The following SHISAL2B variants were observed in gnomAD, a reference collection of about 807,000 sequenced individuals.
SHISAL2B encodes the protein shisa like 2B.
SHISAL2B carries 12 observed loss-of-function variants against 16.5 expected under a neutral mutation model. The observed-to-expected ratio is 0.73, with a 90% CI of 0.47 to 1.18. The LOEUF (loss-of-function observed/expected upper bound fraction) is 1.18, where lower values mean the gene tolerates loss of function less well. Among genes scored for constraint, SHISAL2B ranks in the 50% most tolerant of loss-of-function variants. The pLI, the probability that SHISAL2B is intolerant of heterozygous loss-of-function variation, is 0.00. For synonymous variants in SHISAL2B, 72 were observed against 75.0 expected, an observed-to-expected ratio of 0.96 and a Z score of 0.21; for missense variants, 183 against 193.6, an observed-to-expected ratio of 0.95 and a Z score of 0.33.
At chr5:64,697,517 G>A (rs1423641358) in intron 2 of SHISAL2B, among the ~76,000 whole-genome samples, 1 of 152,058 alleles carries the variant, frequency 6.6e-6, no homozygotes, top group East Asian at 1.9e-4. Context: ...AAACTCAATT[G>A]CAAAGAATTG....
intron 2 of SHISAL2B, among the ~76,000 whole-genome samples, chr5:64,716,673 T>C (rs1742058531): frequency 6.6e-6 from 1 of 152,076 alleles, no homozygotes; most frequent in African/African-American, 2.4e-5. Context: ...AAGAAGAGCA[T>C]AGTAGACAGA....
rs546015968 is a variant in SHISAL2B, at chr5:64,716,718, A to T, written c.350-1171A>T. 1.3e-5 allele frequency among the ~76,000 whole-genome samples: 2 copies of T among 152,312 alleles called. 1 individual carries two copies. Among genetic ancestry groups the T allele is most frequent in the South Asian group, 4.1e-4 (2 of 4,832 alleles). ...CAGTGCAAAAGTCCTAAGGGCTGGA[A>T]CATGCCTGAAATGTTTAATCAAAGA... On this transcript the variant is annotated intron_variant, in intron 2 of 2. Transcript: ENST00000389074.
intron 2 of SHISAL2B, among the ~76,000 whole-genome samples, chr5:64,696,352 A>T (rs1741734572): frequency 6.6e-6 from 1 of 152,190 alleles, no homozygotes; most frequent in Non-Finnish European, 1.5e-5. Context: ...TGTGTGTTTG[A>T]ACAATATGAA....
chr5:64,712,342 A>G (rs1741971094), intron 2 of SHISAL2B, among the ~76,000 whole-genome samples: 1 of 152,114 alleles, frequency 6.6e-6, no homozygotes, highest in African/African-American at 2.4e-5. Flanking sequence ...CATGTAGTTG[A>G]GCGGCTTTGA....
At chr5:64,699,618 T>C (rs1741781553) in intron 2 of SHISAL2B, among the ~76,000 whole-genome samples, 1 of 152,212 alleles carries the variant, frequency 6.6e-6, no homozygotes, top group East Asian at 1.9e-4. Context: ...CAGTTAGCCA[T>C]TTCCTTTCTC....
intron 2 of SHISAL2B, among the ~76,000 whole-genome samples, chr5:64,710,899 C>A: frequency 8.7e-6 from 1 of 114,926 alleles, no homozygotes; most frequent in African/African-American, 4.2e-5. Flanking sequence ...TATCCTGAGA[C>A]TTTGCTGAAG....
At position 64,709,500 on chromosome 5, in the gene SHISAL2B, G is replaced by A. The variant is rs1244088808; in HGVS notation, c.350-8389G>A. On this transcript the variant is annotated intron_variant, in intron 2 of 2. Coordinates refer to ENST00000389074, the MANE Select transcript of SHISAL2B (RefSeq NM_001164442.2). ...GTGAATAATGCCGCAATAAACATACGTGTGCATGTGTCTTTATAGCAGCAT... is the reference window on the plus strand; with the variant it reads ...GTGAATAATGCCGCAATAAACATACATGTGCATGTGTCTTTATAGCAGCAT... Among the ~76,000 whole-genome samples the A allele has an allele frequency of 1.3e-4, 19 of 148,382 alleles. No homozygotes were observed. In the East Asian group the frequency reaches 3.6e-3, roughly 28 times the overall value.
At position 64,716,170 on chromosome 5, in the gene SHISAL2B, T is replaced by C. The variant is rs559484004; in HGVS notation, c.350-1719T>C. ...TTTCATGTTTATTAGCCATTTTATC[T>C]TTTCGGTCACTTTCTTCACTCACTA... On this transcript the variant is annotated intron_variant, in intron 2 of 2. Coordinates refer to ENST00000389074, the MANE Select transcript of SHISAL2B (RefSeq NM_001164442.2). Among the ~76,000 whole-genome samples, 11 of 152,336 alleles carry C rather than the reference T, an allele frequency of 7.2e-5. No homozygotes were observed. The South Asian group carries it at 1.9e-3, about 26-fold the overall frequency.
intron 2 of SHISAL2B, among the ~76,000 whole-genome samples, chr5:64,712,978 C>G (rs908825115): frequency 1.3e-5 from 2 of 152,076 alleles, no homozygotes; most frequent in Non-Finnish European, 1.5e-5. Flanking sequence ...ACTGATGGGT[C>G]TTGACTCTTT....
At chr5:64,693,483 G>A (rs1279406581) in intron 1 of SHISAL2B, among the ~76,000 whole-genome samples, 1 of 152,190 alleles carries the variant, frequency 6.6e-6, no homozygotes, top group Non-Finnish European at 1.5e-5. Context: ...GTATGTGGAA[G>A]TTAATTAAAC....
intron 2 of SHISAL2B, among the ~76,000 whole-genome samples, chr5:64,714,749 GT>G (rs1742017725): frequency 6.6e-6 from 1 of 152,176 alleles, no homozygotes; most frequent in Non-Finnish European, 1.5e-5. Context: ...GTGGTGCGCT[GT>G]TTTTTTAAGC....
intron 2 of SHISAL2B, among the ~76,000 whole-genome samples, chr5:64,713,473 T>C (rs1478133457): frequency 5.4e-5 from 6 of 110,296 alleles, no homozygotes; most frequent in African/African-American, 3.1e-4. Context: ...GCCCTTAACA[T>C]TTTTTCCTTC....
chr5:64,695,130 TG>T (rs1201213726), intron 1 of SHISAL2B, among the ~76,000 whole-genome samples: 1 of 152,082 alleles, frequency 6.6e-6, no homozygotes, highest in East Asian at 1.9e-4. Flanking sequence ...CTGGGCATGA[TG>T]GCGTGCACCT....
intron 1 of SHISAL2B, among the ~76,000 whole-genome samples, chr5:64,694,448 C>G (rs140312982): frequency 6.6e-6 from 1 of 152,164 alleles, no homozygotes; most frequent in Non-Finnish European, 1.5e-5. Flanking sequence ...TGCTTTTTTT[C>G]CCAAGCTCTT....
intron 2 of SHISAL2B, among the ~76,000 whole-genome samples, chr5:64,717,566 G>A (rs1742074882): frequency 6.6e-6 from 1 of 152,204 alleles, no homozygotes; most frequent in African/African-American, 2.4e-5. Context: ...ATGCATAGGA[G>A]AGGGACAGTC....
intron 2 of SHISAL2B, among the ~76,000 whole-genome samples, chr5:64,709,857 A>T (rs1455519342): frequency 6.6e-6 from 1 of 150,984 alleles, no homozygotes; most frequent in Admixed American, 6.6e-5. Context: ...GTGTCTGTTC[A>T]TGTCCTTCGC....
At chr5:64,706,020 G>A (rs2112066372) in intron 2 of SHISAL2B, among the ~76,000 whole-genome samples, 1 of 152,304 alleles carries the variant, frequency 6.6e-6, no homozygotes, top group Non-Finnish European at 1.5e-5. Context: ...AATTAGCTGA[G>A]CATGTTGGTG....
At chr5:64,707,420 CCGTGAGGA>C in intron 2 of SHISAL2B, among the ~76,000 whole-genome samples, 2 of 152,192 alleles carry the variant, frequency 1.3e-5, no homozygotes, top group Admixed American at 1.3e-4. Context: ...TCTACGGGGA[CCGTGAGGA>C]CATGGTATGA....
intron 2 of SHISAL2B, among the ~76,000 whole-genome samples, chr5:64,707,238 A>C (rs1741886474): frequency 6.6e-6 from 1 of 152,154 alleles, no homozygotes; most frequent in Admixed American, 6.5e-5. Context: ...AATCTCAGAT[A>C]AGACTTTTTA....
Sources: allele counts gnomAD v4.1 joint callset (sites outside exome capture counted in the v4.1 genomes callset), GRCh38; gene constraint gnomAD v4.1.1; transcripts MANE v1.5; gene names NCBI Gene and HGNC (gene_info 2026-07-23, HGNC 2026-07-21).